SDHAF3: variants seen among roughly 807,000 people sequenced by gnomAD.
The protein encoded by SDHAF3 is succinate dehydrogenase complex assembly factor 3.
SDHAF3 carries 18 observed loss-of-function variants against 11.5 expected under a neutral mutation model. The ratio of observed to expected loss-of-function variants is 1.56; its 90% CI spans 1.08 to 2.32. The LOEUF is 2.32. SDHAF3 is among the 30% of genes most tolerant of loss of function. SDHAF3 has a pLI of 0.00. For missense variants in SDHAF3, 200 were observed against 154.4 expected, an observed-to-expected ratio of 1.30 and a Z score of -1.57; for synonymous variants, 72 against 59.3, an observed-to-expected ratio of 1.21 and a Z score of -0.99.
At chr7:97,125,593 C>G (rs182726739) in intron 1 of SDHAF3, among the ~76,000 whole-genome samples, 5 of 152,170 alleles carry the variant, frequency 3.3e-5, no homozygotes, top group Non-Finnish European at 7.3e-5. Flanking sequence ...GATCTTCAAT[C>G]TCTGATATCC....
intron 1 of SDHAF3, among the ~76,000 whole-genome samples, chr7:97,151,045 T>C (rs56074841): frequency 0.18 from 27,988 of 152,082 alleles, 3,004 homozygotes; most frequent in Non-Finnish European, 0.25. Flanking sequence ...ATTTTCCATA[T>C]ACCTTCTGCC....
chr7:97,172,098 A>C (rs1789608725), intron 1 of SDHAF3, among the ~76,000 whole-genome samples: 1 of 152,158 alleles, frequency 6.6e-6, no homozygotes, highest in Non-Finnish European at 1.5e-5. Flanking sequence ...TCAGAACAAA[A>C]TATGAAAAAC....
At chr7:97,139,765 G>A (rs1387092853) in intron 1 of SDHAF3, among the ~76,000 whole-genome samples, 2 of 152,204 alleles carry the variant, frequency 1.3e-5, no homozygotes, top group Non-Finnish European at 2.9e-5. Context: ...TTGTAATTTT[G>A]TTATTCTTAA....
intron 1 of SDHAF3, among the ~76,000 whole-genome samples, chr7:97,135,837 G>A (rs1034901992): frequency 6.6e-6 from 1 of 150,608 alleles, no homozygotes; most frequent in African/African-American, 2.4e-5. Context: ...ACAGGCGCCC[G>A]CCACCACGCC....
chr7:97,128,696 TA>T (rs1417267744), intron 1 of SDHAF3, among the ~76,000 whole-genome samples: 3 of 152,108 alleles, frequency 2.0e-5, no homozygotes, highest in Non-Finnish European at 4.4e-5. Context: ...TCATGAAAAA[TA>T]TGGGAAAGAA....
Position 97,125,846 on chromosome 7 carries a change from A to C in SDHAF3, c.174+7949A>C, listed in dbSNP as rs150641653. ...AAGCCTACTTCTGTCAATTCATCAAACTCATTCTCCATCCAGTTTTGTGTC... is the reference window on the plus strand; with the variant it reads ...AAGCCTACTTCTGTCAATTCATCAACCTCATTCTCCATCCAGTTTTGTGTC... On this transcript the variant is annotated intron_variant, in intron 1 of 1. Transcript: ENST00000432641. Among the ~76,000 whole-genome samples the C allele has an allele frequency of 2.5e-3, 384 of 152,064 alleles. 1 individual carries two copies. Among genetic ancestry groups the C allele is most frequent in the Non-Finnish European group, 4.2e-3 (283 of 68,000 alleles).
chr7:97,166,435 T>TAAAG (rs10691447), intron 1 of SDHAF3, among the ~76,000 whole-genome samples: 87,393 of 151,508 alleles, frequency 0.58, 25,602 homozygotes, highest in Non-Finnish European at 0.63. Flanking sequence ...TGAAAGAGTT[T>TAAAG]AAAGACCTGA....
At chr7:97,159,883 T>G (rs967471078) in intron 1 of SDHAF3, among the ~76,000 whole-genome samples, 5 of 152,234 alleles carry the variant, frequency 3.3e-5, no homozygotes, top group Admixed American at 3.3e-4. Flanking sequence ...TTTGTTGCTT[T>G]TTGGAGGGTT....
At chr7:97,165,866 G>A (rs1430363031) in intron 1 of SDHAF3, among the ~76,000 whole-genome samples, 1 of 152,100 alleles carries the variant, frequency 6.6e-6, no homozygotes, top group Non-Finnish European at 1.5e-5. Context: ...ATCAATGCCT[G>A]GTATTGCTAG....
intron 1 of SDHAF3, among the ~76,000 whole-genome samples, chr7:97,172,528 C>A (rs1444030251): frequency 6.6e-6 from 1 of 152,098 alleles, no homozygotes; most frequent in Non-Finnish European, 1.5e-5. Flanking sequence ...TAAATTGTGG[C>A]CCATATTTGT....
At chr7:97,151,914 C>G (rs1488793822) in intron 1 of SDHAF3, among the ~76,000 whole-genome samples, 1 of 152,102 alleles carries the variant, frequency 6.6e-6, no homozygotes, top group African/African-American at 2.4e-5. Flanking sequence ...GTTCCCCAGT[C>G]ATGATACCAA....
At chr7:97,123,191 T>C (rs918985272) in intron 1 of SDHAF3, among the ~76,000 whole-genome samples, 21 of 152,000 alleles carry the variant, frequency 1.4e-4, no homozygotes, top group African/African-American at 5.1e-4. Flanking sequence ...TTCCCCTCCC[T>C]GTGTCCATGT....
At chr7:97,121,857 T>G (rs1280791511) in intron 1 of SDHAF3, among the ~76,000 whole-genome samples, 16 of 139,510 alleles carry the variant, frequency 1.1e-4, no homozygotes, top group African/African-American at 3.8e-4. Flanking sequence ...TTTTTTTGTT[T>G]TTTTTTTTTT....
At chr7:97,178,652 T>C (rs537539880) in intron 1 of SDHAF3, among the ~76,000 whole-genome samples, 1 of 152,310 alleles carries the variant, frequency 6.6e-6, no homozygotes, top group Non-Finnish European at 1.5e-5. Context: ...TGGCCATCTG[T>C]ATATCTTTGG....
Position 97,137,868 on chromosome 7 carries a change from C to CTT in SDHAF3, c.174+19993_174+19994dup, listed in dbSNP as rs11381462. Among the ~76,000 whole-genome samples, 346 of 68,998 alleles carry CTT rather than the reference C, an allele frequency of 5.0e-3. 7 individuals are homozygous for CTT. The highest frequency in any genetic ancestry group is 7.7e-3 in the African/African-American group (126 of 16,350). The allele number at this position is 68,998 out of a possible 152,430, so 45.3% of individuals were successfully genotyped here. A position where few individuals can be genotyped will look rare whatever the true frequency, so the allele number is the denominator to read the frequency against. ...CCTTCATATGCCCTCATTCCATTCG[C>CTT]TTTTTTTTTTTTTTTTTTTTTTTAG... is the stretch of plus-strand genomic sequence containing the variant. On this transcript the variant is annotated intron_variant, in intron 1 of 1. Transcript: ENST00000432641.
intron 1 of SDHAF3, among the ~76,000 whole-genome samples, chr7:97,160,252 C>A (rs1466311096): frequency 7.0e-6 from 1 of 143,344 alleles, no homozygotes; most frequent in Non-Finnish European, 1.5e-5. Flanking sequence ...GCGCCCCTGC[C>A]CGGCCGCCCT....
At chr7:97,170,844 A>G (rs1431297632) in intron 1 of SDHAF3, among the ~76,000 whole-genome samples, 2 of 152,102 alleles carry the variant, frequency 1.3e-5, no homozygotes, top group Admixed American at 6.6e-5. Flanking sequence ...GTTACTTTCT[A>G]TTCTTTGCAC....
intron 1 of SDHAF3, among the ~76,000 whole-genome samples, chr7:97,177,640 G>C (rs1789700952): frequency 6.6e-6 from 1 of 152,118 alleles, no homozygotes; most frequent in South Asian, 2.1e-4. Flanking sequence ...TTTTTAAATA[G>C]TTTTGTTCTG....
At chr7:97,123,998 T>G (rs2115618454) in intron 1 of SDHAF3, among the ~76,000 whole-genome samples, 1 of 152,328 alleles carries the variant, frequency 6.6e-6, no homozygotes, top group South Asian at 2.1e-4. Flanking sequence ...GCTCTTTAAT[T>G]TAATTAGATC....
Sources: gnomAD v4.1 joint callset for allele counts (sites outside exome capture counted in the v4.1 genomes callset) on GRCh38, gnomAD v4.1.1 for gene constraint, MANE v1.5 for transcripts, NCBI Gene and HGNC (gene_info 2026-07-23, HGNC 2026-07-21) for gene names.